CIRSR: variants seen among roughly 807,000 people sequenced by gnomAD.
CIRSR encodes the protein corepressor of RBPJ and splicing regulator.
the CIRSR span, among the ~76,000 whole-genome samples, chr2:174,375,500 T>C: frequency 6.6e-6 from 1 of 152,030 alleles, no homozygotes; most frequent in Non-Finnish European, 1.5e-5. Flanking sequence ...TCCCAGCTAC[T>C]CAGGAGGCTG....
chr2:174,356,526 A>AGGAAGGAAGGAAGGAAGGAAGGAAGGAAG, the CIRSR span, among the ~76,000 whole-genome samples: 55 of 133,362 alleles, frequency 4.1e-4, no homozygotes, highest in Admixed American at 2.3e-4. Flanking sequence ...AAAGAAAGAA[A>AGGAAGGAAGGAAGGAAGGAAGGAAGGAAG]GAAGAAAGGA....
chr2:174,359,606 TTGG>T, the CIRSR span, among the ~76,000 whole-genome samples: 4 of 152,046 alleles, frequency 2.6e-5, no homozygotes, highest in Admixed American at 2.0e-4. Flanking sequence ...TTTTACACTG[TTGG>T]TGGGAGTGTA....
the CIRSR span, chr2:174,348,983 T>C: frequency 1.3e-6 from 2 of 1,598,238 alleles, no homozygotes; most frequent in Admixed American, 1.8e-5. Flanking sequence ...TCTTCCTTTG[T>C]ATTTTTTTTT....
At chr2:174,367,517 T>C in the CIRSR span, among the ~76,000 whole-genome samples, 1 of 151,652 alleles carries the variant, frequency 6.6e-6, no homozygotes. Flanking sequence ...GAGGCGGAGG[T>C]TGCAGTAAGC....
chr2:174,361,889 G>A, the CIRSR span, among the ~76,000 whole-genome samples: 1 of 152,082 alleles, frequency 6.6e-6, no homozygotes, highest in South Asian at 2.1e-4. Flanking sequence ...TATGTATAGT[G>A]TATCTGGTGA....
the CIRSR span, chr2:174,379,168 A>G: frequency 3.0e-6 from 2 of 661,340 alleles, no homozygotes; most frequent in Non-Finnish European, 5.2e-6. Flanking sequence ...AAAAGACTCC[A>G]AACTATGTTT....
At chr2:174,384,599 G>GT in the CIRSR span, among the ~76,000 whole-genome samples, 89 of 151,382 alleles carry the variant, frequency 5.9e-4, no homozygotes, top group African/African-American at 7.8e-4. Flanking sequence ...GTTTTTTGGG[G>GT]TTTTTTTTAG....
chr2:174,378,932 C>A, the CIRSR span: 2 of 1,609,914 alleles, frequency 1.2e-6, no homozygotes, highest in African/African-American at 1.3e-5. Flanking sequence ...CCTGAGCCAT[C>A]AGTGGGAACC....
At chr2:174,365,243 G>A in the CIRSR span, among the ~76,000 whole-genome samples, 6 of 152,216 alleles carry the variant, frequency 3.9e-5, no homozygotes, top group South Asian at 1.2e-3. Context: ...CAGTTCCCAA[G>A]TTCCTCATCT....
chr2:174,376,792 T>C, the CIRSR span, among the ~76,000 whole-genome samples: 1 of 130,994 alleles, frequency 7.6e-6, no homozygotes, highest in Non-Finnish European at 1.6e-5. Flanking sequence ...AGCGAGACTC[T>C]GTCTCAGGGA....
At chr2:174,385,101 G>C in the CIRSR span, among the ~76,000 whole-genome samples, 1 of 151,436 alleles carries the variant, frequency 6.6e-6, no homozygotes, top group South Asian at 2.1e-4. Context: ...TGTAGTTCCA[G>C]CTATTCAGGA....
At chr2:174,349,999 T>C in the CIRSR span, among the ~76,000 whole-genome samples, 1 of 152,218 alleles carries the variant, frequency 6.6e-6, no homozygotes, top group Non-Finnish European at 1.5e-5. Context: ...TAAAATAATA[T>C]AGTTAATACT....
At chr2:174,388,732 T>C in the CIRSR span, among the ~76,000 whole-genome samples, 4 of 152,136 alleles carry the variant, frequency 2.6e-5, no homozygotes, top group Admixed American at 6.5e-5. Flanking sequence ...AATAAAATTA[T>C]ATATCATGGA....
chr2:174,376,568 C>T, the CIRSR span, among the ~76,000 whole-genome samples: 3 of 149,892 alleles, frequency 2.0e-5, no homozygotes, highest in East Asian at 2.0e-4. Context: ...GAGGCCGAGG[C>T]GAGTGGATCA....
chr2:174,385,098 C>G, the CIRSR span, among the ~76,000 whole-genome samples: 22 of 151,626 alleles, frequency 1.5e-4, no homozygotes, highest in Non-Finnish European at 2.9e-4. Flanking sequence ...GCCTGTAGTT[C>G]CAGCTATTCA....
chr2:174,357,659 G>C, the CIRSR span, among the ~76,000 whole-genome samples: 2 of 152,168 alleles, frequency 1.3e-5, no homozygotes, highest in Non-Finnish European at 1.5e-5. Flanking sequence ...ACTAGTTAGA[G>C]TATGTGATCA....
At chr2:174,369,130 A>G in the CIRSR span, among the ~76,000 whole-genome samples, 1 of 152,250 alleles carries the variant, frequency 6.6e-6, no homozygotes, top group Admixed American at 6.5e-5. Context: ...TCTGTTGTTT[A>G]GTGTAACTAA....
At chr2:174,386,238 G>C in the CIRSR span, among the ~76,000 whole-genome samples, 1 of 152,180 alleles carries the variant, frequency 6.6e-6, no homozygotes, top group African/African-American at 2.4e-5. Context: ...CTGGAGTTCA[G>C]TGGCGTGATC....
the CIRSR span, among the ~76,000 whole-genome samples, chr2:174,365,310 G>C: frequency 2.6e-5 from 4 of 152,028 alleles, no homozygotes; most frequent in African/African-American, 9.7e-5. Context: ...CAATATTTTT[G>C]TCAAAGCTAT....
Sources: gnomAD v4.1 joint callset for allele counts (sites outside exome capture counted in the v4.1 genomes callset) on GRCh38, gnomAD v4.1.1 for gene constraint, MANE v1.5 for transcripts, NCBI Gene and HGNC (gene_info 2026-07-23, HGNC 2026-07-21) for gene names.